Variants in RAF1 observed in about 807,000 individuals in gnomAD.
RAF1 encodes Raf-1 proto-oncogene, serine/threonine kinase.
RAF1 carries 27 observed loss-of-function variants against 81.1 expected under a neutral mutation model. The ratio of observed to expected loss-of-function variants is 0.33; its 90% CI spans 0.25 to 0.46. RAF1 has a LOEUF of 0.46. Ranked by LOEUF, RAF1 falls within the 20% of genes least tolerant of loss-of-function variation. The pLI is 1.00. For synonymous variants in RAF1, 298 were observed against 294.0 expected (o/e 1.01, Z -0.14); for missense variants, 598 against 826.0 (o/e 0.72, Z 3.38).
At chr3:12,617,214 G>A in intron 2 of RAF1, among the ~76,000 whole-genome samples, 1 of 152,216 alleles carries the variant, frequency 6.6e-6, no homozygotes, top group East Asian at 1.9e-4. Flanking sequence ...CCGGGTTCGA[G>A]TGATTCTCCT....
chr3:12,601,433 T>A (rs2058858317), intron 8 of RAF1, among the ~76,000 whole-genome samples: 1 of 152,192 alleles, frequency 6.6e-6, no homozygotes, highest in Non-Finnish European at 1.5e-5. Flanking sequence ...GAAAATAGTT[T>A]AAATTGCAGA....
At chr3:12,627,857 C>T (rs2059750611) in intron 1 of RAF1, among the ~76,000 whole-genome samples, 1 of 152,214 alleles carries the variant, frequency 6.6e-6, no homozygotes, top group South Asian at 2.1e-4. Flanking sequence ...CACTGGCTCA[C>T]GCCTGTAATC....
intron 15 of RAF1, 185 bp downstream of exon 14, chr3:12,585,496 G>C: frequency 2.1e-6 from 2 of 942,358 alleles, no homozygotes; most frequent in South Asian, 9.8e-5. Context: ...TCCACACTAA[G>C]CTTCACAGTG....
intron 1 of RAF1, among the ~76,000 whole-genome samples, chr3:12,633,750 A>T (rs528714636): frequency 6.6e-6 from 1 of 151,960 alleles, no homozygotes; most frequent in African/African-American, 2.4e-5. Context: ...CCTGGCCAAC[A>T]TGGTGAAACC....
intron 15 of RAF1, 28 bp from the exon 15 acceptor site, chr3:12,585,281 G>C (rs1428779509): frequency 1.2e-6 from 2 of 1,613,232 alleles, no homozygotes; most frequent in African/African-American, 2.7e-5. Flanking sequence ...TGACAAAAGT[G>C]CATTTATCAC....
At chr3:12,599,829 T>C (rs2058800593) in intron 10 of RAF1, 21 bp from the exon 10 acceptor site, 1 of 1,543,246 alleles carries the variant, frequency 6.5e-7, no homozygotes, top group African/African-American at 1.4e-5. Context: ...TAGAGATCAT[T>C]ATTATACTCC....
At chr3:12,606,128 T>G (rs1366121380) in intron 6 of RAF1, 73 bp downstream of exon 6, 3 of 1,150,416 alleles carry the variant, frequency 2.6e-6, no homozygotes, top group Non-Finnish European at 2.6e-6. Flanking sequence ...AAACTCTTAT[T>G]TTTTGTCTTC....
At position 12,653,062 on chromosome 3, in the gene RAF1, G is replaced by A. The variant is rs9858147; in HGVS notation, c.-27+10751C>T. On this transcript the variant is annotated intron_variant, in intron 1 of 17. Coordinates refer to ENST00000442415, the MANE Select transcript of RAF1 (RefSeq NM_001354689.3). Reference sequence around the variant, plus strand: ...TTTGGGAGGATGATGCGGGTAGATCGCTTGAGGCCAGGAGTTTGAGACCAC... The same window carrying A: ...TTTGGGAGGATGATGCGGGTAGATCACTTGAGGCCAGGAGTTTGAGACCAC... Among the ~76,000 whole-genome samples, 459 of 152,002 alleles carry A rather than the reference G, an allele frequency of 3.0e-3. 2 individuals carry two copies. Among genetic ancestry groups the A allele is most frequent in the African/African-American group, 0.011 (447 of 41,454 alleles).
At chr3:12,631,762 T>C (rs1354193744) in intron 1 of RAF1, among the ~76,000 whole-genome samples, 1 of 152,228 alleles carries the variant, frequency 6.6e-6, no homozygotes, top group Non-Finnish European at 1.5e-5. Flanking sequence ...CTTCACTTGC[T>C]AGGCCATGTG....
At chr3:12,608,121 T>G (rs2059099605) in intron 5 of RAF1, among the ~76,000 whole-genome samples, 1 of 152,176 alleles carries the variant, frequency 6.6e-6, no homozygotes, top group Non-Finnish European at 1.5e-5. Context: ...GTTTCTCTAG[T>G]ACTGTCAAAA....
At chr3:12,622,886 G>C (rs1215225803) in intron 1 of RAF1, among the ~76,000 whole-genome samples, 1 of 152,060 alleles carries the variant, frequency 6.6e-6, no homozygotes, top group Non-Finnish European at 1.5e-5. Flanking sequence ...TTGTCAGCCG[G>C]GCGCAGTTGT....
At chr3:12,619,867 G>T (rs2059501360) in intron 1 of RAF1, among the ~76,000 whole-genome samples, 1 of 152,066 alleles carries the variant, frequency 6.6e-6, no homozygotes, top group African/African-American at 2.4e-5. Context: ...CGGATCACAA[G>T]GTCAGGAGAT....
intron 11 of RAF1, among the ~76,000 whole-genome samples, chr3:12,596,866 T>C (rs996386927): frequency 6.6e-6 from 1 of 152,138 alleles, no homozygotes; most frequent in Non-Finnish European, 1.5e-5. Context: ...CTCACTCCTC[T>C]GACTTTTGAG....
At position 12,620,237 on chromosome 3, in the gene RAF1, C is replaced by T. The variant is rs926853452; in HGVS notation, c.-26-1490G>A. Among the ~76,000 whole-genome samples, 12 of 152,078 alleles carry T rather than the reference C, an allele frequency of 7.9e-5. No individual in the cohort carries two copies. In the East Asian group the frequency reaches 2.1e-3, roughly 27 times the overall value. ...GCTCACTGAACCTCCCAGGTTCAAG[C>T]GATTCTCCTGCCTCAGCCTCCCGAG... On this transcript the variant is annotated intron_variant, in intron 1 of 17. Transcript: ENST00000442415.
chr3:12,596,096 C>T (rs768060298), intron 11 of RAF1, among the ~76,000 whole-genome samples: 11 of 151,908 alleles, frequency 7.2e-5, no homozygotes, highest in Non-Finnish European at 1.6e-4. Flanking sequence ...TGGTCTCGAT[C>T]TCCTGGGCTA....
Position 12,599,749 on chromosome 3 carries a change from C to G in RAF1, c.1110G>C (p.Met370Ile), listed in dbSNP as rs368860450. The stretch of plus-strand genomic sequence containing the variant: ...AGCCTGACCCAATCCGAGTGGACAG[C>G]ATCACTTCACTGGCTTCTATTTCCC... The change falls in exon 11 of 18, where the codon ATG (methionine) becomes ATC (isoleucine). Residue 370 changes from methionine to isoleucine, a missense_variant. Around this residue, in one of 5 missense-constraint regions of RAF1, gnomAD observed 85 missense variants for 185.6 expected, o/e 0.46. Transcript: ENST00000442415. The G allele has an allele frequency of 6.2e-7, 1 of 1,614,180 alleles. No homozygotes were observed. The highest frequency in any genetic ancestry group is 8.5e-7 in the Non-Finnish European group (1 of 1,180,046).
intron 2 of RAF1, among the ~76,000 whole-genome samples, chr3:12,617,184 C>A (rs5746192): frequency 0.12 from 18,495 of 152,154 alleles, 1,352 homozygotes; most frequent in Admixed American, 0.2. Context: ...GCAATCCTGG[C>A]CCACTGCAAC....
At chr3:12,661,611 G>A (rs753474736) in intron 1 of RAF1, among the ~76,000 whole-genome samples, 7 of 152,220 alleles carry the variant, frequency 4.6e-5, no homozygotes, top group Non-Finnish European at 1.0e-4. Flanking sequence ...GGTGAGGCAG[G>A]AGAACTGCTT....
chr3:12,657,824 C>T (rs535975754), intron 1 of RAF1, among the ~76,000 whole-genome samples: 1 of 151,348 alleles, frequency 6.6e-6, no homozygotes, highest in South Asian at 2.1e-4. Context: ...GTTGTGGATC[C>T]ATCTCCATAA....
Sources: gnomAD v4.1 joint callset for allele counts (sites outside exome capture counted in the v4.1 genomes callset) on GRCh38, gnomAD v4.1.1 for gene constraint, gnomAD v4.1.1 regional missense constraint, MANE v1.5 for transcripts, NCBI Gene and HGNC (gene_info 2026-07-23, HGNC 2026-07-21) for gene names.